The following CAT variants were observed in gnomAD, a reference collection of about 807,000 sequenced individuals.
CAT encodes the protein catalase.
In CAT, 43 loss-of-function variants were observed where a neutral mutation model predicts 59.0. The observed-to-expected ratio is 0.73, with a 90% confidence interval of 0.57 to 0.94. CAT has a LOEUF of 0.94. Ranked by LOEUF, CAT falls within the 40% of genes least tolerant of loss-of-function variation. The pLI is 0.00. For missense variants in CAT, 664 were observed against 682.9 expected (o/e 0.97, Z 0.31); for synonymous variants, 218 against 230.9 (o/e 0.94, Z 0.51).
Position 34,456,194 on chromosome 11 carries a change from C to G in CAT, c.895C>G (p.Leu299Val). ...AETFPFNPFD[L>V]TKVWPHKDYP... ...AACTTTTCCATTTAATCCATTCGAT[C>G]TCACCAAGGTGAGTCAGTAAACAAC... Residue 299 changes from leucine (L) to valine (V), a missense_variant, in exon 7 of 13, where the codon CTC becomes GTC. Physicochemically the swap from Leu to Val is conservative, Grantham distance 32 (BLOSUM62 1). Coordinates refer to ENST00000241052, the MANE Select transcript of CAT (RefSeq NM_001752.4). 1 of 1,612,790 alleles carries G rather than the reference C, an allele frequency of 6.2e-7. No homozygotes were observed. Among genetic ancestry groups the G allele is most frequent in the Non-Finnish European group, 8.5e-7 (1 of 1,178,960 alleles).
intron 10 of CAT, among the ~76,000 whole-genome samples, chr11:34,467,028 C>T (rs1856727376): frequency 6.6e-6 from 1 of 151,904 alleles, no homozygotes; most frequent in African/African-American, 2.4e-5. Flanking sequence ...AATTAGAATA[C>T]ATACAAGGAA....
chr11:34,463,537 C>CA (rs760074268), intron 9 of CAT, among the ~76,000 whole-genome samples: 1 of 152,144 alleles, frequency 6.6e-6, no homozygotes, highest in Non-Finnish European at 1.5e-5. Flanking sequence ...ACAAAAAACC[C>CA]AGAGTTCCAA....
intron 10 of CAT, among the ~76,000 whole-genome samples, chr11:34,467,777 T>C (rs1316237391): frequency 1.3e-5 from 2 of 152,234 alleles, no homozygotes; most frequent in African/African-American, 4.8e-5. Context: ...AATATCACTA[T>C]TAATATGTCT....
chr11:34,470,963 G>T lies in CAT; in HGVS notation c.1440G>T (p.Lys480Asn). The T allele has an allele frequency of 6.2e-7, 1 of 1,613,928 alleles. No individual in the cohort carries two copies. Among genetic ancestry groups the T allele is most frequent in the African/African-American group, 1.3e-5 (1 of 75,030 alleles). Residue 480 changes from lysine to asparagine, a missense_variant, in exon 12 of 13, where the codon AAG becomes AAT. Lys to Asn is a moderately conservative substitution (Grantham distance 94). Transcript: ENST00000241052. ...TTATTTTCCTTTGGCCTTAGGTCAA[G>T]AACTTCACTGAGGTCCACCCTGACT... ...AQIFIQKKAVKNFTEVHPDYG... is the reference protein window; with the variant it reads ...AQIFIQKKAVNNFTEVHPDYG...
intron 1 of CAT, among the ~76,000 whole-genome samples, chr11:34,442,153 C>T (rs1031768008): frequency 2.6e-5 from 4 of 152,170 alleles, no homozygotes; most frequent in Admixed American, 2.6e-4. Context: ...GTATATATTC[C>T]TTTGAAGTAT....
intron 6 of CAT, among the ~76,000 whole-genome samples, chr11:34,454,853 C>G (rs1856570675): frequency 6.6e-6 from 1 of 152,164 alleles, no homozygotes; most frequent in Non-Finnish European, 1.5e-5. Context: ...AATTTCTACT[C>G]TCCTAGATAA....
chr11:34,443,646 C>G (rs539686153), intron 1 of CAT, among the ~76,000 whole-genome samples: 7 of 151,672 alleles, frequency 4.6e-5, no homozygotes, highest in Non-Finnish European at 7.4e-5. Context: ...AATAAGTAGC[C>G]TCTGATCCCT....
At position 34,452,059 on chromosome 11, in the gene CAT, T is replaced by A. The variant is rs375339675; in HGVS notation, c.350-18T>A. ...AGTGCTGTGGCTTATGCTTCCTGTT[T>A]CCATTTGAATATTGTAGCTGGAGAA... On this transcript the variant is annotated intron_variant, in intron 3 of 12. Coordinates refer to ENST00000241052, the MANE Select transcript of CAT (RefSeq NM_001752.4). 1.5e-5 allele frequency: 25 copies of A among 1,613,776 alleles called. No individual in the cohort carries two copies. In the African/African-American group the frequency reaches 3.3e-4, roughly 22 times the overall value.
chr11:34,451,211 A>AT, intron 3 of CAT, 113 bp downstream of exon 3: 1 of 763,500 alleles, frequency 1.3e-6, no homozygotes, highest in Non-Finnish European at 2.4e-6. Flanking sequence ...ACTTCTCCAA[A>AT]TTATGTCAAG....
intron 1 of CAT, 80 bp downstream of exon 1, chr11:34,439,159 C>T: frequency 8.9e-6 from 12 of 1,345,080 alleles, no homozygotes; most frequent in Non-Finnish European, 9.4e-6. Flanking sequence ...CCGGCTTCCC[C>T]CGGGGCGGCG....
intron 8 of CAT, among the ~76,000 whole-genome samples, chr11:34,460,531 C>T (rs1856638335): frequency 6.7e-6 from 1 of 150,236 alleles, no homozygotes; most frequent in Non-Finnish European, 1.5e-5. Flanking sequence ...TCACTGCTGC[C>T]TCAATCCCCT....
At chr11:34,468,537 C>G (rs1856743944) in intron 11 of CAT, 142 bp downstream of exon 11, 1 of 674,870 alleles carries the variant, frequency 1.5e-6, no homozygotes, top group Non-Finnish European at 2.6e-6. Flanking sequence ...ACTAGTAATC[C>G]CCAACCAACT....
intron 10 of CAT, among the ~76,000 whole-genome samples, chr11:34,467,166 A>G (rs1856728867): frequency 6.6e-6 from 1 of 152,254 alleles, no homozygotes. Flanking sequence ...AGACAATAGG[A>G]TATGAGGAGA....
intron 5 of CAT, 84 bp from the exon 6 acceptor site, chr11:34,453,717 T>C (rs1258351490): frequency 1.5e-6 from 2 of 1,331,594 alleles, no homozygotes; most frequent in East Asian, 4.6e-5. Flanking sequence ...TAAGGGACTT[T>C]CTGGAAACTA....
intron 8 of CAT, among the ~76,000 whole-genome samples, chr11:34,458,151 T>A (rs1045752996): frequency 7.2e-5 from 11 of 152,298 alleles, no homozygotes; most frequent in Admixed American, 3.9e-4. Context: ...TTTGAGATTG[T>A]TTTGAAGAAT....
At position 34,454,371 on chromosome 11, in the gene CAT, G is replaced by A. The variant is rs17881846; in HGVS notation, c.711+445G>A. On this transcript the variant is annotated intron_variant, in intron 6 of 12. Transcript: ENST00000241052. ...TTTTAATCAACTGAAATATTATAAA[G>A]GGCCCTCTTTTGGTATAAGCATGGC... 3.7e-3 allele frequency among the ~76,000 whole-genome samples: 567 copies of A among 152,256 alleles called. 9 individuals are homozygous for A. In the East Asian group the frequency reaches 0.051, roughly 14 times the overall value.
chr11:34,441,047 T>G (rs567323410), intron 1 of CAT, among the ~76,000 whole-genome samples: 8 of 152,318 alleles, frequency 5.3e-5, no homozygotes, highest in African/African-American at 1.9e-4. Context: ...CCATGACATC[T>G]CAGGGCACTG....
At chr11:34,453,382 A>G (rs571116663) in intron 5 of CAT, among the ~76,000 whole-genome samples, 188 bp downstream of exon 5, 38 of 152,328 alleles carry the variant, frequency 2.5e-4, no homozygotes, top group African/African-American at 7.9e-4. Context: ...TTAAATGATG[A>G]TGATGATGAT....
intron 10 of CAT, 119 bp downstream of exon 10, chr11:34,464,354 G>C: frequency 1.9e-6 from 2 of 1,057,160 alleles, no homozygotes; most frequent in Non-Finnish European, 2.9e-6. Flanking sequence ...TTGAATTCAA[G>C]GAAGACTCAT....
Sources: gnomAD v4.1 joint callset for allele counts (sites outside exome capture counted in the v4.1 genomes callset) on GRCh38, gnomAD v4.1.1 for gene constraint, MANE v1.5 for transcripts, NCBI Gene and HGNC (gene_info 2026-07-23, HGNC 2026-07-21) for gene names.